Variants in DPP10 observed in about 807,000 individuals in gnomAD.
The protein encoded by DPP10 is inactive dipeptidyl peptidase 10.
Under a neutral mutation model 120.9 loss-of-function variants are expected in DPP10, and 33 were observed. The observed-to-expected ratio is 0.27, with a 90% CI of 0.21 to 0.37. The LOEUF (loss-of-function observed/expected upper bound fraction) is 0.37, where lower values mean the gene tolerates loss of function less well. Among genes scored for constraint, DPP10 ranks in the 10% least tolerant of loss-of-function variants. DPP10 has a pLI of 1.00. For synonymous variants in DPP10, 337 were observed against 326.1 expected, an observed-to-expected ratio of 1.03 and a Z score of -0.36; for missense variants, 816 against 942.8, an observed-to-expected ratio of 0.87 and a Z score of 1.76.
chr2:115,676,717 A>T (rs771052398), intron 5 of DPP10, among the ~76,000 whole-genome samples: 6 of 152,304 alleles, frequency 3.9e-5, no homozygotes, highest in Non-Finnish European at 7.4e-5. Context: ...GAAAACAAAT[A>T]TTGGAATCAT....
intron 1 of DPP10, among the ~76,000 whole-genome samples, chr2:115,218,255 CAA>C (rs2056945481): frequency 2.0e-5 from 3 of 152,096 alleles, no homozygotes; most frequent in Non-Finnish European, 1.5e-5. Flanking sequence ...AAATTGAACT[CAA>C]GAGATAAGTA....
At position 114,955,774 on chromosome 2, in the gene DPP10, G is replaced by A. The variant is rs911734032; in HGVS notation, c.61-353465G>A. ...ATCAAGTGAGATTTATGCTTGGGAC[G>A]GAAAGATGGTTCAACACACAAAAAT... On this transcript the variant is annotated intron_variant, in intron 1 of 25. Coordinates refer to ENST00000410059, the MANE Select transcript of DPP10 (RefSeq NM_020868.6). Among the ~76,000 whole-genome samples, 9 of 152,064 alleles carry A rather than the reference G, an allele frequency of 5.9e-5. No homozygotes were observed. In the East Asian group the frequency reaches 9.6e-4, roughly 16 times the overall value.
At chr2:115,550,824 T>C (rs1392860563) in intron 5 of DPP10, among the ~76,000 whole-genome samples, 4 of 152,152 alleles carry the variant, frequency 2.6e-5, no homozygotes. Flanking sequence ...TTACATCATT[T>C]TGCCAAAAGA....
chr2:115,811,195 A>G (rs1283568652), intron 19 of DPP10, among the ~76,000 whole-genome samples: 5 of 152,204 alleles, frequency 3.3e-5, no homozygotes, highest in African/African-American at 9.6e-5. Context: ...AGATATGCCT[A>G]TATTGTGCAC....
At chr2:115,439,848 C>G (rs2071860980) in intron 3 of DPP10, among the ~76,000 whole-genome samples, 2 of 130,754 alleles carry the variant, frequency 1.5e-5, no homozygotes, top group Admixed American at 1.5e-4. Flanking sequence ...ATCAAACATT[C>G]AAAAAGCAGA....
chr2:115,126,088 A>C (rs2050070398), intron 1 of DPP10, among the ~76,000 whole-genome samples: 1 of 152,160 alleles, frequency 6.6e-6, no homozygotes, highest in Non-Finnish European at 1.5e-5. Flanking sequence ...TGCTACTGAC[A>C]AAAATTATAT....
intron 1 of DPP10, among the ~76,000 whole-genome samples, chr2:115,139,765 A>G (rs1283751108): frequency 6.9e-6 from 1 of 145,254 alleles, no homozygotes; most frequent in Non-Finnish European, 1.5e-5. Context: ...TTAAGATACT[A>G]CTTTGTTATA....
At chr2:115,745,938 C>T (rs1184635202) in intron 9 of DPP10, 148 bp from the exon 10 acceptor site, 4 of 574,822 alleles carry the variant, frequency 7.0e-6, no homozygotes, top group Admixed American at 3.8e-5. Flanking sequence ...ATCATGTTGT[C>T]GAATTTAAAA....
intron 1 of DPP10, among the ~76,000 whole-genome samples, chr2:114,608,811 T>C (rs1693042806): frequency 6.6e-6 from 1 of 152,058 alleles, no homozygotes; most frequent in South Asian, 2.1e-4. Flanking sequence ...TACTACATAT[T>C]CTGACATATA....
At chr2:115,129,623 C>T (rs574125731) in intron 1 of DPP10, among the ~76,000 whole-genome samples, 1 of 152,200 alleles carries the variant, frequency 6.6e-6, no homozygotes, top group African/African-American at 2.4e-5. Flanking sequence ...CATGCCAAAC[C>T]ATCACGATTT....
rs575261995 is a variant in DPP10 at position 114,792,590 on chromosome 2, G to A, written c.60+349752G>A. Reference sequence around the variant, plus strand: ...GTCCCCATTTTTCTCTGATAAGAATGCCTCATTGCACCTAAACTGTTTACA... The same window carrying A: ...GTCCCCATTTTTCTCTGATAAGAATACCTCATTGCACCTAAACTGTTTACA... On this transcript the variant is annotated intron_variant, in intron 1 of 25. Transcript: ENST00000410059. Among the ~76,000 whole-genome samples the A allele has an allele frequency of 2.9e-4, 44 of 152,288 alleles. No individual in the cohort carries two copies. The South Asian group carries it at 8.1e-3, about 28-fold the overall frequency.
chr2:115,313,597 A>G (rs1407572619), intron 2 of DPP10, among the ~76,000 whole-genome samples: 1 of 152,248 alleles, frequency 6.6e-6, no homozygotes, highest in Non-Finnish European at 1.5e-5. Context: ...AAAATAGCAC[A>G]CAATTTGCAG....
At chr2:114,822,086 C>A (rs956582988) in intron 1 of DPP10, among the ~76,000 whole-genome samples, 1 of 152,212 alleles carries the variant, frequency 6.6e-6, no homozygotes, top group African/African-American at 2.4e-5. Flanking sequence ...CTCCCACCAC[C>A]CATTTTCCTT....
chr2:114,924,682 G>T (rs780166772), intron 1 of DPP10, among the ~76,000 whole-genome samples: 2 of 152,096 alleles, frequency 1.3e-5, no homozygotes, highest in Non-Finnish European at 2.9e-5. Context: ...AGACTGGTTT[G>T]TTGGAGGACA....
At chr2:115,110,301 G>T (rs1322854846) in intron 1 of DPP10, among the ~76,000 whole-genome samples, 2 of 152,076 alleles carry the variant, frequency 1.3e-5, no homozygotes, top group Admixed American at 1.3e-4. Context: ...ATGATCTTAG[G>T]CAAACCAACT....
At chr2:115,577,005 A>C (rs185123784) in intron 5 of DPP10, among the ~76,000 whole-genome samples, 7 of 152,348 alleles carry the variant, frequency 4.6e-5, no homozygotes, top group Non-Finnish European at 7.3e-5. Context: ...AAATACTCAG[A>C]TAATCTCTCT....
In DPP10 at chr2:115,768,423, C is replaced by G. The variant is rs1428726971; in HGVS notation, c.1221+19C>G. The G allele has an allele frequency of 6.2e-7, 1 of 1,604,368 alleles. No homozygotes were observed. The highest frequency in any genetic ancestry group is 8.5e-7 in the Non-Finnish European group (1 of 1,172,636). ...CATCCAGGTAAGTGCTGGCTTTTTT[C>G]CATGTTTTGATTTCATTGTCCTCAT... On this transcript the variant is annotated intron_variant, in intron 13 of 25. Coordinates refer to ENST00000410059, the MANE Select transcript of DPP10 (RefSeq NM_020868.6).
In DPP10 at chr2:114,823,035, G is replaced by A. The variant is rs114996962; in HGVS notation, c.60+380197G>A. 5.7e-3 allele frequency among the ~76,000 whole-genome samples: 867 copies of A among 152,236 alleles called. 9 individuals carry two copies. The highest frequency in any genetic ancestry group is 0.02 in the African/African-American group (838 of 41,534). On this transcript the variant is annotated intron_variant, in intron 1 of 25. Transcript: ENST00000410059. Reference sequence around the variant, plus strand: ...CCTCTGCCTGTTATCCAGTTCCAAAGCTGTTTCCATGTTTTCAGGTATCTT... The same window carrying A: ...CCTCTGCCTGTTATCCAGTTCCAAAACTGTTTCCATGTTTTCAGGTATCTT...
chr2:115,201,189 G>A (rs1370485630), intron 1 of DPP10, among the ~76,000 whole-genome samples: 1 of 152,168 alleles, frequency 6.6e-6, no homozygotes, highest in African/African-American at 2.4e-5. Flanking sequence ...CCGGCCGGGT[G>A]CAGTGGCTCA....
Sources: allele counts gnomAD v4.1 joint callset (sites outside exome capture counted in the v4.1 genomes callset), GRCh38; gene constraint gnomAD v4.1.1; transcripts MANE v1.5; gene names NCBI Gene and HGNC (gene_info 2026-07-23, HGNC 2026-07-21).